CLYBL: variants seen among roughly 807,000 people sequenced by gnomAD.
CLYBL encodes the protein citramalyl-CoA lyase.
Under a neutral mutation model 38.9 loss-of-function variants are expected in CLYBL, and 31 were observed. That is an observed-to-expected ratio of 0.80 (90% confidence interval 0.60 to 1.08). The LOEUF (loss-of-function observed/expected upper bound fraction) is 1.08, where lower values mean the gene tolerates loss of function less well. Among genes scored for constraint, CLYBL ranks in the 50% least tolerant of loss-of-function variants. The probability of loss-of-function intolerance (pLI) is 0.00; values close to 1 mark genes in which losing one functional copy is unlikely to be tolerated. For synonymous variants in CLYBL, 171 were observed against 158.6 expected, an observed-to-expected ratio of 1.08 and a Z score of -0.59; for missense variants, 434 against 411.6, an observed-to-expected ratio of 1.05 and a Z score of -0.47.
chr13:99,871,059 A>C lies in CLYBL; in HGVS notation c.924A>C (p.Gly308=), dbSNP rs1339730878. 2 of 1,613,966 alleles carry C rather than the reference A, an allele frequency of 1.2e-6. No individual in the cohort carries two copies. The highest frequency in any genetic ancestry group is 2.2e-5 in the South Asian group (2 of 91,074). Residue 308 remains glycine, a synonymous_variant, in exon 7 of 9, where the codon GGA becomes GGC. Transcript: ENST00000339105. ...IAAFKEHQQL[G]KGAFTFQGSM... is the part of the protein sequence containing the mutation. Reference sequence around the variant, plus strand: ...CCTTTAAAGAACATCAACAATTAGGAAAGGTAAATGTTTTGTTAATGCCTT... The same window carrying C: ...CCTTTAAAGAACATCAACAATTAGGCAAGGTAAATGTTTTGTTAATGCCTT...
At chr13:99,612,096 A>C (rs1265335549) in intron 1 of CLYBL, among the ~76,000 whole-genome samples, 1 of 152,162 alleles carries the variant, frequency 6.6e-6, no homozygotes, top group Non-Finnish European at 1.5e-5. Context: ...CCCTGCCTCT[A>C]GTCTGTCATC....
chr13:99,829,995 C>T (rs1051677624), intron 2 of CLYBL, among the ~76,000 whole-genome samples: 3 of 152,126 alleles, frequency 2.0e-5, no homozygotes, highest in Non-Finnish European at 2.9e-5. Context: ...CTTTGGGTCA[C>T]ATTCTGAATC....
chr13:99,608,521 G>T (rs534001967), intron 1 of CLYBL, among the ~76,000 whole-genome samples: 1 of 152,290 alleles, frequency 6.6e-6, no homozygotes, highest in East Asian at 1.9e-4. Flanking sequence ...TAGAGGAGCA[G>T]CTCAGGCAGT....
At chr13:99,776,008 CA>C (rs2049505853) in intron 2 of CLYBL, among the ~76,000 whole-genome samples, 1 of 151,276 alleles carries the variant, frequency 6.6e-6, no homozygotes, top group South Asian at 2.1e-4. Context: ...CTAAAAAATA[CA>C]AAAAATTAGC....
At chr13:99,662,425 AT>A (rs2047421758) in intron 1 of CLYBL, among the ~76,000 whole-genome samples, 2 of 151,916 alleles carry the variant, frequency 1.3e-5, no homozygotes, top group South Asian at 4.1e-4. Flanking sequence ...AGAGAATCAG[AT>A]TAGTTACTGA....
At chr13:99,868,697 G>A (rs1342483573) in intron 6 of CLYBL, among the ~76,000 whole-genome samples, 2 of 152,022 alleles carry the variant, frequency 1.3e-5, no homozygotes, top group African/African-American at 4.8e-5. Context: ...TCAATGCATT[G>A]GCTGTATAAA....
intron 2 of CLYBL, among the ~76,000 whole-genome samples, chr13:99,854,364 C>T (rs2051404938): frequency 6.6e-6 from 1 of 150,738 alleles, no homozygotes; most frequent in Non-Finnish European, 1.5e-5. Flanking sequence ...TATAAATAAG[C>T]CCAAGGGGCT....
intron 1 of CLYBL, among the ~76,000 whole-genome samples, chr13:99,653,078 G>A (rs2047278771): frequency 6.6e-6 from 1 of 152,218 alleles, no homozygotes; most frequent in Non-Finnish European, 1.5e-5. Flanking sequence ...ATCACAGGAG[G>A]CAGGAATGTA....
chr13:99,871,806 G>A (rs184960959), intron 7 of CLYBL, among the ~76,000 whole-genome samples: 30 of 152,192 alleles, frequency 2.0e-4, no homozygotes, highest in Non-Finnish European at 3.2e-4. Flanking sequence ...CAATAATACC[G>A]TTTGCCTCTT....
chr13:99,819,462 ATAT>A lies in CLYBL; in HGVS notation c.250-39398_250-39396del, dbSNP rs1566340276. Among the ~76,000 whole-genome samples, 116 of 40,328 alleles carry A rather than the reference ATAT, an allele frequency of 2.9e-3. 2 individuals are homozygous for A. Among genetic ancestry groups the A allele is most frequent in the East Asian group, 0.013 (15 of 1,170 alleles). The allele number at this position is 40,328 out of a possible 152,430, so 26.5% of individuals were successfully genotyped here. A position where few individuals can be genotyped will look rare whatever the true frequency, so the allele number is the denominator to read the frequency against. On this transcript the variant is annotated intron_variant, in intron 2 of 8. Transcript: ENST00000339105. ...TATATATATATATATATATATATATATATATAATATTTGTCAGGGTTGTCTGGG... is the reference window on the plus strand; with the variant it reads ...TATATATATATATATATATATATATAATAATATTTGTCAGGGTTGTCTGGG...
At position 99,844,421 on chromosome 13, in the gene CLYBL, G is replaced by A. The variant is rs145045112; in HGVS notation, c.250-14440G>A. 5.1e-3 allele frequency among the ~76,000 whole-genome samples: 770 copies of A among 152,308 alleles called. 4 individuals carry two copies. The highest frequency in any genetic ancestry group is 8.5e-3 in the Non-Finnish European group (575 of 68,022). ...GGACTGTGTATATATTGACATCATC[G>A]TTATCAGGTGATTTTGAACGTTGGA... is the stretch of plus-strand genomic sequence containing the variant. On this transcript the variant is annotated intron_variant, in intron 2 of 8. Transcript: ENST00000339105.
chr13:99,793,572 T>C, intron 2 of CLYBL, among the ~76,000 whole-genome samples: 1 of 152,172 alleles, frequency 6.6e-6, no homozygotes, highest in East Asian at 1.9e-4. Flanking sequence ...GAACAGTAAT[T>C]GTTAAAAAAT....
intron 1 of CLYBL, among the ~76,000 whole-genome samples, chr13:99,737,023 T>TAGCAGCA (rs1566307110): frequency 6.6e-6 from 1 of 152,150 alleles, no homozygotes; most frequent in African/African-American, 2.4e-5. Context: ...ATATAGACAA[T>TAGCAGCA]ATACATAGAT....
At chr13:99,768,263 C>G (rs1413550428) in intron 1 of CLYBL, among the ~76,000 whole-genome samples, 1 of 133,498 alleles carries the variant, frequency 7.5e-6, no homozygotes, top group Non-Finnish European at 1.5e-5. Flanking sequence ...GGTGCTATCT[C>G]AGCTCACTGC....
At chr13:99,891,274 A>G (rs760833843) in intron 7 of CLYBL, 44 bp from the exon 8 acceptor site, 3 of 1,383,668 alleles carry the variant, frequency 2.2e-6, no homozygotes, top group Non-Finnish European at 2.1e-6. Context: ...GAAACCTATA[A>G]TTTCGAGTAT....
chr13:99,824,680 T>C (rs555732276), intron 2 of CLYBL, among the ~76,000 whole-genome samples: 3 of 152,246 alleles, frequency 2.0e-5, no homozygotes, highest in African/African-American at 4.8e-5. Context: ...TTTATCTCAG[T>C]CTGCACAAGT....
chr13:99,842,497 G>T (rs2051106976), intron 2 of CLYBL, among the ~76,000 whole-genome samples: 1 of 152,130 alleles, frequency 6.6e-6, no homozygotes, highest in South Asian at 2.1e-4. Flanking sequence ...CTCTCTCCTG[G>T]TGCCAAAAGA....
chr13:99,861,036 C>T (rs919826005), intron 3 of CLYBL, among the ~76,000 whole-genome samples: 8 of 152,222 alleles, frequency 5.3e-5, no homozygotes, highest in South Asian at 2.1e-4. Flanking sequence ...AGCCCTGCTA[C>T]TTCATCTCCT....
chr13:99,652,243 G>C (rs1457236198), intron 1 of CLYBL, among the ~76,000 whole-genome samples: 1 of 152,212 alleles, frequency 6.6e-6, no homozygotes, highest in Non-Finnish European at 1.5e-5. Context: ...ACTGTCAGCT[G>C]TGGGTAGGAT....
Sources: gnomAD v4.1 joint callset for allele counts (sites outside exome capture counted in the v4.1 genomes callset) on GRCh38, gnomAD v4.1.1 for gene constraint, MANE v1.5 for transcripts, NCBI Gene and HGNC (gene_info 2026-07-23, HGNC 2026-07-21) for gene names.